Variants in EMSY observed in about 807,000 individuals in gnomAD.
The protein encoded by EMSY is BRCA2-interacting transcriptional repressor EMSY.
EMSY carries 26 observed loss-of-function variants against 134.6 expected under a neutral mutation model. The observed-to-expected ratio is 0.19, with a 90% CI of 0.14 to 0.27. The LOEUF is 0.27. EMSY is among the 10% of genes least tolerant of loss of function. The pLI is 1.00. For missense variants in EMSY, 1,305 were observed against 1,611.4 expected, an observed-to-expected ratio of 0.81 and a Z score of 3.26; for synonymous variants, 579 against 577.8, an observed-to-expected ratio of 1.00 and a Z score of -0.03.
chr11:76,552,250 A>G (rs898879126), downstream of EMSY: 1 of 152,208 alleles, frequency 6.6e-6, no homozygotes. Context: ...AACAAACAGG[A>G]AATCCTATCC....
intron 9 of EMSY, among the ~76,000 whole-genome samples, chr11:76,502,612 G>C (rs1949917538): frequency 6.6e-6 from 1 of 150,942 alleles, no homozygotes. Context: ...TGTTTGGAAA[G>C]GTTGCGGGAT....
At chr11:76,521,856 A>G (rs1950649593) in intron 11 of EMSY, among the ~76,000 whole-genome samples, 1 of 151,720 alleles carries the variant, frequency 6.6e-6, no homozygotes, top group Non-Finnish European at 1.5e-5. Context: ...ACTTGAACCT[A>G]GGAGTTTGAG....
intron 3 of EMSY, 58 bp downstream of exon 3, chr11:76,452,015 A>T: frequency 9.1e-7 from 1 of 1,093,924 alleles, no homozygotes; most frequent in South Asian, 1.7e-5. Flanking sequence ...GGATTTTATT[A>T]CTTATCACTC....
intron 20 of EMSY, among the ~76,000 whole-genome samples, chr11:76,548,428 C>T (rs915314751): frequency 1.3e-5 from 2 of 152,180 alleles, no homozygotes; most frequent in Non-Finnish European, 2.9e-5. Flanking sequence ...CTACTGTGTT[C>T]CAGGCACAGT....
chr11:76,543,407 T>G (rs1399231228), intron 18 of EMSY, among the ~76,000 whole-genome samples: 3 of 152,210 alleles, frequency 2.0e-5, no homozygotes, highest in Admixed American at 1.3e-4. Context: ...AGGGTGGATC[T>G]TGCTGTGTCA....
intron 9 of EMSY, among the ~76,000 whole-genome samples, chr11:76,504,323 A>G (rs1949992732): frequency 6.6e-6 from 1 of 150,436 alleles, no homozygotes; most frequent in African/African-American, 2.4e-5. Flanking sequence ...AAACTCTTAT[A>G]ACTCAATGGT....
chr11:76,521,480 A>G (rs554128097), intron 11 of EMSY, among the ~76,000 whole-genome samples: 255 of 152,294 alleles, frequency 1.7e-3, no homozygotes, highest in Admixed American at 3.2e-3. Flanking sequence ...ACGAGGAAAC[A>G]GGCCAAGCCT....
intron 8 of EMSY, among the ~76,000 whole-genome samples, chr11:76,481,575 ATTAC>A (rs963695187): frequency 3.9e-5 from 6 of 152,156 alleles, no homozygotes; most frequent in African/African-American, 1.4e-4. Context: ...GGTATCCACC[ATTAC>A]TTAGGCTTGA....
At chr11:76,528,789 G>A (rs1458885040) in intron 14 of EMSY, among the ~76,000 whole-genome samples, 1 of 152,002 alleles carries the variant, frequency 6.6e-6, no homozygotes, top group Non-Finnish European at 1.5e-5. Flanking sequence ...TCTGGTTTGG[G>A]TAAGTAGGAG....
In EMSY at chr11:76,504,442, A is replaced by G. The variant is rs149772181; in HGVS notation, c.1363+7973A>G. Among the ~76,000 whole-genome samples the G allele has an allele frequency of 3.5e-4, 54 of 152,258 alleles. No homozygotes were observed. The East Asian group carries it at 8.7e-3, about 24-fold the overall frequency. On this transcript the variant is annotated intron_variant, in intron 9 of 20. Coordinates refer to ENST00000334736, the Ensembl canonical transcript of EMSY. ...AGCACATGAAAACATGCTAAACATC[A>G]TTAGTTATCAGGTAAGTACACATCA...
rs535764415 is a variant in EMSY at position 76,499,519 on chromosome 11, C to G, written c.1363+3050C>G. Among the ~76,000 whole-genome samples, 10 of 151,388 alleles carry G rather than the reference C, an allele frequency of 6.6e-5. No individual in the cohort carries two copies. The South Asian group carries it at 2.1e-3, about 32-fold the overall frequency. On this transcript the variant is annotated intron_variant, in intron 9 of 20. Transcript: ENST00000334736. ...ATCCAGGATGGTCTCAATCTCCTGA[C>G]CTCGTGATCCGCCCTCCTCCACCTC...
exon 19 of EMSY, chr11:76,544,365 A>C (rs533900511): frequency 1.2e-6 from 2 of 1,614,142 alleles, no homozygotes; most frequent in South Asian, 2.2e-5. Context: ...GGTCTGTTTT[A>C]CCGATCTGCC....
intron 19 of EMSY, 90 bp downstream of exon 20, chr11:76,544,912 C>T (rs948925395): frequency 2.2e-6 from 3 of 1,379,552 alleles, no homozygotes; most frequent in East Asian, 4.9e-5. Context: ...GATATCAGTG[C>T]TTTCTCCTGG....
At chr11:76,477,111 T>G (rs2135432298) in intron 8 of EMSY, among the ~76,000 whole-genome samples, 1 of 152,134 alleles carries the variant, frequency 6.6e-6, no homozygotes, top group Non-Finnish European at 1.5e-5. Context: ...ACATAATAGT[T>G]TCAGAATAAC....
intron 14 of EMSY, among the ~76,000 whole-genome samples, chr11:76,533,828 C>T (rs571151006): frequency 6.6e-6 from 1 of 152,236 alleles, no homozygotes; most frequent in Non-Finnish European, 1.5e-5. Flanking sequence ...GCACATGTTA[C>T]TGGTGCAAGC....
At chr11:76,516,398 G>T (rs2136172253) in intron 11 of EMSY, 86 bp downstream of exon 12, 2 of 1,019,108 alleles carry the variant, frequency 2.0e-6, no homozygotes, top group Non-Finnish European at 2.7e-6. Flanking sequence ...GATTATATTT[G>T]ATCTCAATTT....
rs139186916 is a variant in EMSY, at chr11:76,536,878, TTTG to T, written c.2359+834_2359+836del. Among the ~76,000 whole-genome samples, 1,078 of 152,268 alleles carry T rather than the reference TTTG, an allele frequency of 7.1e-3. 4 individuals carry two copies. Among genetic ancestry groups the T allele is most frequent in the Non-Finnish European group, 0.013 (861 of 68,004 alleles). On this transcript the variant is annotated intron_variant, in intron 15 of 20. Coordinates refer to ENST00000334736, the Ensembl canonical transcript of EMSY. ...CTACTTGTAGGGTGACTTTTGTATT[TTTG>T]TTGTTGTTGTTGTTTTACTTATTTT...
At chr11:76,463,740 T>A in intron 6 of EMSY, 81 bp from the exon 8 acceptor site, 1 of 1,454,704 alleles carries the variant, frequency 6.9e-7, no homozygotes, top group Non-Finnish European at 9.4e-7. Flanking sequence ...AGGACAAGGA[T>A]GATATAAAGA....
chr11:76,530,269 C>G lies in EMSY; in HGVS notation c.2194+1803C>G, dbSNP rs111333083. On this transcript the variant is annotated intron_variant, in intron 14 of 20. Transcript: ENST00000334736. ...CCGTCTCCTGGGTTCAAGCGATTCT[C>G]CTGCCTCAGCCTCCCGAGTAGCTGG... 6.7e-3 allele frequency among the ~76,000 whole-genome samples: 1,007 copies of G among 149,384 alleles called. 4 individuals carry two copies. The highest frequency in any genetic ancestry group is 0.021 in the Middle Eastern group (6 of 290).
Sources: allele counts gnomAD v4.1 joint callset (sites outside exome capture counted in the v4.1 genomes callset), GRCh38; gene constraint gnomAD v4.1.1; transcripts MANE v1.5; gene names NCBI Gene and HGNC (gene_info 2026-07-23, HGNC 2026-07-21).